FGF7: variants seen among roughly 807,000 people sequenced by gnomAD.
FGF7 encodes fibroblast growth factor 7.
In FGF7, 6 loss-of-function variants were observed where a neutral mutation model predicts 20.5. That is an observed-to-expected ratio of 0.29 (90% CI 0.16 to 0.58). FGF7 has a LOEUF of 0.58. Among genes scored for constraint, FGF7 ranks in the 20% least tolerant of loss-of-function variants. The probability of loss-of-function intolerance (pLI) is 0.90; values close to 1 mark genes in which losing one functional copy is unlikely to be tolerated. For synonymous variants in FGF7, 64 were observed against 74.7 expected (o/e 0.86, Z 0.74); for missense variants, 144 against 228.8 (o/e 0.63, Z 2.39).
intron 2 of FGF7, among the ~76,000 whole-genome samples, chr15:49,444,142 T>G (rs76778279): frequency 0.023 from 3,531 of 151,720 alleles, 88 homozygotes; most frequent in South Asian, 0.13. Context: ...ATTGCTGGGA[T>G]AGCAGAAAAC....
intron 2 of FGF7, among the ~76,000 whole-genome samples, chr15:49,476,758 C>T (rs1597443350): frequency 6.6e-6 from 1 of 151,744 alleles, no homozygotes; most frequent in Non-Finnish European, 1.5e-5. Flanking sequence ...TTTAGATTTA[C>T]AAAAAAAATT....
At chr15:49,484,104 G>A (rs1317831119) in intron 3 of FGF7, among the ~76,000 whole-genome samples, 1 of 151,894 alleles carries the variant, frequency 6.6e-6, no homozygotes, top group East Asian at 1.9e-4. Flanking sequence ...ATTATGTGGT[G>A]TTTTTATTTC....
intron 2 of FGF7, among the ~76,000 whole-genome samples, chr15:49,448,961 T>C (rs2052477192): frequency 6.6e-6 from 1 of 152,082 alleles, no homozygotes; most frequent in South Asian, 2.1e-4. Context: ...CATGCTCTTT[T>C]TTTTGCATAT....
intron 2 of FGF7, among the ~76,000 whole-genome samples, chr15:49,443,689 C>T (rs1597227607): frequency 6.6e-6 from 1 of 151,804 alleles, no homozygotes; most frequent in African/African-American, 2.4e-5. Flanking sequence ...CATTCATTTA[C>T]CTTCTTCTTA....
chr15:49,473,301 T>C (rs1417612413), intron 2 of FGF7, among the ~76,000 whole-genome samples: 1 of 152,178 alleles, frequency 6.6e-6, no homozygotes, highest in Non-Finnish European at 1.5e-5. Flanking sequence ...CATTGTCATA[T>C]GCTGCTAAAT....
At position 49,453,101 on chromosome 15, in the gene FGF7, A is replaced by C. The variant is rs554444263; in HGVS notation, c.286+28518A>C. Among the ~76,000 whole-genome samples, 4 of 152,216 alleles carry C rather than the reference A, an allele frequency of 2.6e-5. 1 individual carries two copies. The South Asian group carries it at 8.3e-4, about 32-fold the overall frequency. On this transcript the variant is annotated intron_variant, in intron 2 of 3. Transcript: ENST00000267843. ...AATAATCTTAGGTAATCATCCTAAA[A>C]TATTGCATTGAGGTCAACAAAAAGT...
At chr15:49,438,198 A>T (rs2051289538) in intron 2 of FGF7, among the ~76,000 whole-genome samples, 1 of 151,752 alleles carries the variant, frequency 6.6e-6, no homozygotes, top group Non-Finnish European at 1.5e-5. Context: ...CTTTACCCAT[A>T]GGCTATAAGG....
At chr15:49,456,424 AT>A (rs2053295615) in intron 2 of FGF7, among the ~76,000 whole-genome samples, 1 of 152,158 alleles carries the variant, frequency 6.6e-6, no homozygotes, top group Admixed American at 6.5e-5. Flanking sequence ...AGGAAGGTTA[AT>A]GTAAAATGTA....
intron 2 of FGF7, among the ~76,000 whole-genome samples, chr15:49,444,121 T>C (rs1341605151): frequency 6.6e-6 from 1 of 151,604 alleles, no homozygotes; most frequent in Non-Finnish European, 1.5e-5. Flanking sequence ...AATGCTGGGG[T>C]AGGCAGTGGC....
chr15:49,483,111 T>G, intron 2 of FGF7, 40 bp from the exon 3 acceptor site: 1 of 1,134,884 alleles, frequency 8.8e-7, no homozygotes, highest in Non-Finnish European at 1.3e-6. Flanking sequence ...TTTGCAAAAC[T>G]GAACGAATAT....
intron 2 of FGF7, among the ~76,000 whole-genome samples, chr15:49,443,333 T>C (rs1433857976): frequency 1.3e-5 from 2 of 151,668 alleles, no homozygotes; most frequent in African/African-American, 4.8e-5. Context: ...ATGATGGAAA[T>C]ACTAGATAAT....
rs1240941869 is a variant in FGF7 at position 49,487,450 on chromosome 15, A to G, written c.*2946A>G. On this transcript the variant is annotated 3_prime_UTR_variant, in exon 4 of 4. Transcript: ENST00000267843. ...TAATATAAAAAATAAAAACCATAGT[A>G]TAAATTGTCAGCCTTTGAGTTGGCT... is the stretch of plus-strand genomic sequence containing the variant. 6.6e-6 allele frequency: 1 copy of G among 151,920 alleles called. No homozygotes were observed. Among genetic ancestry groups the G allele is most frequent in the African/African-American group, 2.4e-5 (1 of 41,410 alleles). The allele number at this position is 151,920 out of a possible 1,614,324, so 9.4% of individuals were successfully genotyped here.
intron 2 of FGF7, among the ~76,000 whole-genome samples, chr15:49,443,605 A>G (rs889686354): frequency 2.0e-5 from 3 of 151,754 alleles, no homozygotes; most frequent in African/African-American, 7.3e-5. Context: ...TAGTATCTCT[A>G]AAAACTATGA....
rs377174947 is a variant in FGF7, at chr15:49,442,308, C to G, written c.286+17725C>G. Among the ~76,000 whole-genome samples the G allele has an allele frequency of 1.4e-4, 22 of 151,728 alleles. No homozygotes were observed. In the East Asian group the frequency reaches 4.3e-3, roughly 30 times the overall value. ...CTAGAATTTTTCTTCTCAGTATCTA[C>G]CCATTCTTCAGGGCCCAGATTAAGT... On this transcript the variant is annotated intron_variant, in intron 2 of 3. Transcript: ENST00000267843.
intron 2 of FGF7, among the ~76,000 whole-genome samples, chr15:49,464,948 T>C (rs2054130900): frequency 6.6e-6 from 1 of 152,212 alleles, no homozygotes; most frequent in African/African-American, 2.4e-5. Context: ...GAATAATAAA[T>C]GTTTATTAAG....
At chr15:49,443,907 CT>C (rs923670863) in intron 2 of FGF7, among the ~76,000 whole-genome samples, 4 of 138,038 alleles carry the variant, frequency 2.9e-5, no homozygotes, top group African/African-American at 7.7e-5. Context: ...TATATGTACA[CT>C]TTTTTTCCCT....
rs975104498 is a variant in FGF7 at position 49,484,801 on chromosome 15, T to A, written c.*297T>A. The A allele has an allele frequency of 8.9e-6, 2 of 225,034 alleles. No homozygotes were observed. Among genetic ancestry groups the A allele is most frequent in the Non-Finnish European group, 1.7e-5 (2 of 116,336 alleles). The allele number at this position is 225,034 out of a possible 1,614,324, so 13.9% of individuals were successfully genotyped here. On this transcript the variant is annotated 3_prime_UTR_variant, in exon 4 of 4. Transcript: ENST00000267843. ...AACAGTAATTTTTTTCTTAAATTAA[T>A]TTACCCTTAAGAGTATGTTAGATTT...
chr15:49,461,518 C>T (rs1357673853), intron 2 of FGF7, among the ~76,000 whole-genome samples: 1 of 152,210 alleles, frequency 6.6e-6, no homozygotes, highest in African/African-American at 2.4e-5. Flanking sequence ...CTCTATACTT[C>T]TCCTACTTAC....
rs971811951 is a variant in FGF7 at position 49,486,773 on chromosome 15, T to C, written c.*2269T>C. The C allele has an allele frequency of 2.6e-5, 4 of 151,876 alleles. No individual in the cohort carries two copies. The highest frequency in any genetic ancestry group is 5.9e-5 in the Non-Finnish European group (4 of 67,874). 9.4% of individuals were successfully genotyped at this position (151,876 alleles called of 1,614,324 possible). ...CACCTAAAAAAGACTTCTAGAAATA[T>C]GTACTTTAATTATTTGTTTTTCTCC... On this transcript the variant is annotated 3_prime_UTR_variant, in exon 4 of 4. Coordinates refer to ENST00000267843, the MANE Select transcript of FGF7 (RefSeq NM_002009.4).
Sources: allele counts gnomAD v4.1 joint callset (sites outside exome capture counted in the v4.1 genomes callset), GRCh38; gene constraint gnomAD v4.1.1; transcripts MANE v1.5; gene names NCBI Gene and HGNC (gene_info 2026-07-23, HGNC 2026-07-21).